STK32B: variants seen among roughly 807,000 people sequenced by gnomAD.
The protein encoded by STK32B is serine/threonine kinase 32B.
Under a neutral mutation model 52.6 loss-of-function variants are expected in STK32B, and 43 were observed. The ratio of observed to expected loss-of-function variants is 0.82; its 90% confidence interval spans 0.64 to 1.05. STK32B has a LOEUF of 1.05. Ranked by LOEUF, STK32B falls within the 50% of genes least tolerant of loss-of-function variation. The pLI is 0.00. For synonymous variants in STK32B, 238 were observed against 204.3 expected (o/e 1.17, Z -1.41); for missense variants, 621 against 534.6 (o/e 1.16, Z -1.59).
chr4:5,225,425 A>G (rs1723802089), intron 3 of STK32B, among the ~76,000 whole-genome samples: 1 of 152,182 alleles, frequency 6.6e-6, no homozygotes. Context: ...ATAAAATAAA[A>G]TAAAACAACT....
intron 4 of STK32B, among the ~76,000 whole-genome samples, chr4:5,384,906 T>C (rs541512571): frequency 1.6e-4 from 24 of 151,996 alleles, no homozygotes; most frequent in African/African-American, 5.8e-4. Context: ...ATCGAGATCC[T>C]AGGAGAAAGA....
At chr4:5,169,067 C>T (rs149581412) in intron 3 of STK32B, among the ~76,000 whole-genome samples, 2 of 152,146 alleles carry the variant, frequency 1.3e-5, no homozygotes, top group African/African-American at 4.8e-5. Flanking sequence ...CTCCAGTGTC[C>T]CCTAACCAAC....
chr4:5,436,796 G>A (rs1714121581), intron 6 of STK32B, among the ~76,000 whole-genome samples: 1 of 152,112 alleles, frequency 6.6e-6, no homozygotes, highest in Non-Finnish European at 1.5e-5. Flanking sequence ...CTGGGTGGTT[G>A]AGGCAAGCTA....
chr4:5,145,937 C>T (rs1484875119), intron 2 of STK32B, among the ~76,000 whole-genome samples: 1 of 152,090 alleles, frequency 6.6e-6, no homozygotes, highest in Non-Finnish European at 1.5e-5. Context: ...ACTCAATTCA[C>T]AGAGATATTT....
chr4:5,448,353 G>C (rs534544830), intron 7 of STK32B, among the ~76,000 whole-genome samples: 3 of 152,334 alleles, frequency 2.0e-5, no homozygotes, highest in African/African-American at 7.2e-5. Context: ...CCTGTTAGCT[G>C]TTTCCTTTGA....
intron 1 of STK32B, among the ~76,000 whole-genome samples, chr4:5,052,326 C>CTG (rs1478446760): frequency 5.3e-5 from 8 of 152,082 alleles, no homozygotes; most frequent in South Asian, 2.1e-4. Context: ...CACCGTGTGT[C>CTG]TGTGTGTGTG....
intron 4 of STK32B, among the ~76,000 whole-genome samples, chr4:5,387,508 T>A (rs1433286583): frequency 6.6e-6 from 1 of 151,910 alleles, no homozygotes; most frequent in African/African-American, 2.4e-5. Flanking sequence ...TCAGAGAGAG[T>A]GATGCCCAAA....
At chr4:5,032,742 C>T in the STK32B span, among the ~76,000 whole-genome samples, 1 of 152,040 alleles carries the variant, frequency 6.6e-6, no homozygotes, top group African/African-American at 2.4e-5. Context: ...ACCTCTAGAA[C>T]TTTCTCATCT....
chr4:5,180,604 C>G (rs1026939679), intron 3 of STK32B, among the ~76,000 whole-genome samples: 14 of 152,152 alleles, frequency 9.2e-5, no homozygotes, highest in African/African-American at 3.4e-4. Flanking sequence ...GGTGGCCTCT[C>G]TCTCCCCAAC....
chr4:5,460,201 G>A lies in STK32B; in HGVS notation c.882G>A (p.Lys294=). 3 of 1,613,676 alleles carry A rather than the reference G, an allele frequency of 1.9e-6. No individual in the cohort carries two copies. Among genetic ancestry groups the A allele is most frequent in the Non-Finnish European group, 2.5e-6 (3 of 1,179,816 alleles). Residue 294 remains lysine (K), a synonymous_variant, in exon 9 of 12, where the codon AAG becomes AAA. Coordinates refer to ENST00000282908, the MANE Select transcript of STK32B (RefSeq NM_018401.3). The surrounding 1 kb of genome is among the most constrained non-coding windows in gnomAD (Gnocchi z 4.8). The stretch of plus-strand genomic sequence containing the variant: ...TGAACTGGGACGCGGTGTTCAAGAA[G>A]GCACTGATGCCCGGCTTTGTGCCCA... ...ADMNWDAVFK[K]ALMPGFVPNK...
intron 6 of STK32B, among the ~76,000 whole-genome samples, chr4:5,438,466 A>G (rs993957200): frequency 1.1e-4 from 16 of 152,370 alleles, no homozygotes; most frequent in Non-Finnish European, 1.8e-4. Context: ...CAGAATTTGG[A>G]GACTGATCGT....
intron 3 of STK32B, among the ~76,000 whole-genome samples, chr4:5,244,736 A>G (rs1291587780): frequency 3.3e-5 from 5 of 152,158 alleles, no homozygotes; most frequent in South Asian, 2.1e-4. Context: ...TTCCCTCTAC[A>G]CACTGCTTTG....
At position 5,372,851 on chromosome 4, in the gene STK32B, T is replaced by C. The variant is rs190596440; in HGVS notation, c.435-25356T>C. 1.7e-3 allele frequency among the ~76,000 whole-genome samples: 255 copies of C among 152,348 alleles called. 8 individuals are homozygous for C. Among genetic ancestry groups the C allele is most frequent in the Admixed American group, 0.016 (250 of 15,310 alleles). The stretch of plus-strand genomic sequence containing the variant: ...GCTATGGAGCATGAAAGCCTAGTTT[T>C]CTGCCATGAGCCCAATAAAGTTTAT... On this transcript the variant is annotated intron_variant, in intron 4 of 11. Coordinates refer to ENST00000282908, the MANE Select transcript of STK32B (RefSeq NM_018401.3).
the STK32B span, among the ~76,000 whole-genome samples, chr4:5,027,994 A>G: frequency 6.6e-6 from 1 of 152,200 alleles, no homozygotes; most frequent in Non-Finnish European, 1.5e-5. Flanking sequence ...CCCTGCGGTC[A>G]TTTCTGGCTG....
intron 6 of STK32B, among the ~76,000 whole-genome samples, chr4:5,440,084 C>G (rs905744452): frequency 6.6e-6 from 1 of 151,702 alleles, no homozygotes; most frequent in Non-Finnish European, 1.5e-5. Flanking sequence ...CTTGGCGATG[C>G]GGGCTCTTTT....
In STK32B at chr4:5,168,377, G is replaced by A. The variant is rs1719052532; in HGVS notation, c.187G>A (p.Asp63Asn). The change falls in exon 3 of 12, where the codon GAT becomes AAT. Residue 63 changes from aspartate (D) to asparagine (N), a missense_variant. Transcript: ENST00000282908. ...GAACAAGCAGAAGTGCATCGAGAGGGATGAGGTTCGGAATGTTTTCCGGGA... is the reference window on the plus strand; with the variant it reads ...GAACAAGCAGAAGTGCATCGAGAGGAATGAGGTTCGGAATGTTTTCCGGGA... ...YMNKQKCIER[D>N]EVRNVFRELQ... 3 of 1,613,854 alleles carry A rather than the reference G, an allele frequency of 1.9e-6. No homozygotes were observed. The highest frequency in any genetic ancestry group is 2.5e-6 in the Non-Finnish European group (3 of 1,180,004).
chr4:5,214,867 T>G (rs2108790049), intron 3 of STK32B, among the ~76,000 whole-genome samples: 1 of 152,344 alleles, frequency 6.6e-6, no homozygotes, highest in Middle Eastern at 3.4e-3. Flanking sequence ...AGTGTTAAAG[T>G]TTTAAGAGGA....
intron 3 of STK32B, among the ~76,000 whole-genome samples, chr4:5,219,423 G>A (rs765470458): frequency 1.1e-4 from 17 of 152,258 alleles, no homozygotes; most frequent in African/African-American, 3.4e-4. Context: ...AAAAAGAGAA[G>A]AGCCTTGAGG....
chr4:5,434,360 TAA>T (rs1713848765), intron 6 of STK32B, among the ~76,000 whole-genome samples: 1 of 151,856 alleles, frequency 6.6e-6, no homozygotes. Flanking sequence ...CAACCAAAAC[TAA>T]GAGTGTTTAT....
Sources: gnomAD v4.1 joint callset for allele counts (sites outside exome capture counted in the v4.1 genomes callset) on GRCh38, gnomAD v4.1.1 for gene constraint, Gnocchi (gnomAD v3.1) non-coding constraint, MANE v1.5 for transcripts, NCBI Gene and HGNC (gene_info 2026-07-23, HGNC 2026-07-21) for gene names.